The following ERC2 variants were observed in gnomAD, a reference collection of about 807,000 sequenced individuals.
ERC2 encodes the protein ELKS/RAB6-interacting/CAST family member 2.
In ERC2, 42 loss-of-function variants were observed where a neutral mutation model predicts 114.8. The ratio of observed to expected loss-of-function variants is 0.37; its 90% CI spans 0.29 to 0.47. The LOEUF (loss-of-function observed/expected upper bound fraction) is 0.47, where lower values mean the gene tolerates loss of function less well. ERC2 is among the 20% of genes least tolerant of loss of function. ERC2 has a pLI of 0.99. For synonymous variants in ERC2, 454 were observed against 425.5 expected (o/e 1.07, Z -0.82); for missense variants, 939 against 1,150.7 (o/e 0.82, Z 2.66).
At chr3:56,142,299 C>T (rs975717565) in intron 5 of ERC2, among the ~76,000 whole-genome samples, 3 of 152,036 alleles carry the variant, frequency 2.0e-5, no homozygotes, top group African/African-American at 7.2e-5. Context: ...ACATTATTAA[C>T]CTCTCTTTTT....
At chr3:56,225,459 C>T (rs1290785149) in intron 3 of ERC2, among the ~76,000 whole-genome samples, 1 of 152,164 alleles carries the variant, frequency 6.6e-6, no homozygotes, top group African/African-American at 2.4e-5. Context: ...ACTTCCTTCA[C>T]TTGGCTAAAA....
intron 14 of ERC2, among the ~76,000 whole-genome samples, chr3:55,820,293 T>C (rs1012339542): frequency 3.3e-5 from 5 of 152,150 alleles, no homozygotes; most frequent in African/African-American, 1.2e-4. Flanking sequence ...TACTTTGGCC[T>C]GATGACATTG....
intron 17 of ERC2, among the ~76,000 whole-genome samples, chr3:55,642,323 T>C (rs2060220453): frequency 7.1e-6 from 1 of 141,076 alleles, no homozygotes; most frequent in African/African-American, 2.5e-5. Context: ...CACAGCTTTT[T>C]TTTTTTTCTT....
At chr3:56,091,972 A>G (rs543429396) in intron 6 of ERC2, among the ~76,000 whole-genome samples, 22 of 151,998 alleles carry the variant, frequency 1.4e-4, no homozygotes, top group Non-Finnish European at 2.4e-4. Flanking sequence ...GAGAAAAAAA[A>G]CCTATATTAT....
chr3:56,091,069 T>C (rs938498689), intron 6 of ERC2, among the ~76,000 whole-genome samples: 4 of 152,122 alleles, frequency 2.6e-5, no homozygotes, highest in African/African-American at 9.7e-5. Flanking sequence ...GACAATTTGA[T>C]GCACTTTTTC....
chr3:55,806,410 C>G (rs954271762), intron 14 of ERC2, among the ~76,000 whole-genome samples: 2 of 151,640 alleles, frequency 1.3e-5, no homozygotes, highest in Non-Finnish European at 2.9e-5. Context: ...AGCTTGTGAT[C>G]TGGGCTAGGA....
intron 6 of ERC2, among the ~76,000 whole-genome samples, chr3:56,105,528 C>A (rs2078606891): frequency 6.6e-6 from 1 of 152,062 alleles, no homozygotes; most frequent in South Asian, 2.1e-4. Flanking sequence ...ATTGCCCAGG[C>A]TGGTCTTGAA....
intron 5 of ERC2, among the ~76,000 whole-genome samples, chr3:56,141,344 G>A (rs1031072576): frequency 6.6e-6 from 1 of 152,154 alleles, no homozygotes; most frequent in African/African-American, 2.4e-5. Context: ...CAGTATACCT[G>A]TTATAGCCCT....
At chr3:56,020,576 T>C (rs1194433523) in intron 7 of ERC2, among the ~76,000 whole-genome samples, 3 of 152,196 alleles carry the variant, frequency 2.0e-5, no homozygotes, top group Admixed American at 2.0e-4. Flanking sequence ...TGGATGGTTA[T>C]ATGTCAGAAT....
At chr3:55,607,614 G>GT (rs367596448) in intron 17 of ERC2, among the ~76,000 whole-genome samples, 79,141 of 131,798 alleles carry the variant, frequency 0.6, 25,068 homozygotes, top group Non-Finnish European at 0.7. Flanking sequence ...AAAATAGTGT[G>GT]TTTTTTTTTT....
chr3:55,942,266 CTTTTTTTTTTTTTTT>C (rs56851837), intron 13 of ERC2, among the ~76,000 whole-genome samples: 719 of 42,008 alleles, frequency 0.017, 2 homozygotes, highest in Middle Eastern at 0.025. Context: ...AAGGTCCTTT[CTTTTTTTTTTTTTTT>C]TTTTTTTTTT....
chr3:55,853,758 A>G (rs983888780), intron 14 of ERC2, among the ~76,000 whole-genome samples: 1 of 152,146 alleles, frequency 6.6e-6, no homozygotes, highest in African/African-American at 2.4e-5. Context: ...GGGGCCAGGG[A>G]GAGGAGGAAC....
rs139607735 is a variant in ERC2, at chr3:55,905,051, C to T, written c.2404-16502G>A. ...AATATGAACAAAAAAGGAGACAAATCACCAAGCTTGTTGCCTATGTCTTGA... is the reference window on the plus strand; with the variant it reads ...AATATGAACAAAAAAGGAGACAAATTACCAAGCTTGTTGCCTATGTCTTGA... On this transcript the variant is annotated intron_variant, in intron 13 of 17. Transcript: ENST00000288221. Among the ~76,000 whole-genome samples the T allele has an allele frequency of 1.3e-3, 191 of 152,302 alleles. 1 individual carries two copies. The Middle Eastern group carries it at 0.024, about 19-fold the overall frequency.
intron 17 of ERC2, among the ~76,000 whole-genome samples, chr3:55,538,982 CTTTAA>C (rs889431757): frequency 1.3e-5 from 2 of 152,168 alleles, no homozygotes; most frequent in African/African-American, 4.8e-5. Context: ...CGTACAGAGC[CTTTAA>C]TTTAAGTGGG....
intron 17 of ERC2, among the ~76,000 whole-genome samples, chr3:55,683,333 A>G (rs1242301535): frequency 1.3e-5 from 2 of 152,168 alleles, no homozygotes; most frequent in Non-Finnish European, 2.9e-5. Flanking sequence ...CTCCATGAAG[A>G]TACATATTTT....
chr3:55,624,300 C>G (rs532321649), intron 17 of ERC2, among the ~76,000 whole-genome samples: 1 of 152,188 alleles, frequency 6.6e-6, no homozygotes, highest in South Asian at 2.1e-4. Context: ...GGGGCCCATG[C>G]GGGAGGAATG....
At chr3:55,928,602 T>C (rs748889346) in intron 13 of ERC2, among the ~76,000 whole-genome samples, 6 of 152,180 alleles carry the variant, frequency 3.9e-5, no homozygotes, top group Non-Finnish European at 7.4e-5. Flanking sequence ...GTGTAGAAGC[T>C]TTTTAACTTG....
At chr3:56,305,511 TCCAC>T (rs1180989341) in intron 2 of ERC2, among the ~76,000 whole-genome samples, 8 of 89,652 alleles carry the variant, frequency 8.9e-5, no homozygotes, top group Admixed American at 1.4e-4. Context: ...CACTCTCTTA[TCCAC>T]ACACACACAC....
chr3:56,374,455 T>G (rs1419277123), intron 2 of ERC2, among the ~76,000 whole-genome samples: 3 of 152,332 alleles, frequency 2.0e-5, no homozygotes, highest in Admixed American at 2.0e-4. Flanking sequence ...TATTACTTAT[T>G]ACACTTAGTA....
Sources: gnomAD v4.1 joint callset for allele counts (sites outside exome capture counted in the v4.1 genomes callset) on GRCh38, gnomAD v4.1.1 for gene constraint, MANE v1.5 for transcripts, NCBI Gene and HGNC (gene_info 2026-07-23, HGNC 2026-07-21) for gene names.